Variants in APLP2 observed in about 807,000 individuals in gnomAD.
APLP2 encodes the protein CDEI box-binding protein.
Under a neutral mutation model 89.9 loss-of-function variants are expected in APLP2, and 53 were observed. The ratio of observed to expected loss-of-function variants is 0.59; its 90% CI spans 0.47 to 0.74. APLP2 has a LOEUF of 0.74. Among genes scored for constraint, APLP2 ranks in the 30% least tolerant of loss-of-function variants. The pLI, the probability that APLP2 is intolerant of heterozygous loss-of-function variation, is 0.00. For synonymous variants in APLP2, 372 were observed against 348.6 expected, an observed-to-expected ratio of 1.07 and a Z score of -0.75; for missense variants, 973 against 975.9, an observed-to-expected ratio of 1.00 and a Z score of 0.04.
At chr11:130,101,995 A>G (rs577847847) in intron 1 of APLP2, 60 of 456,172 alleles carry the variant, frequency 1.3e-4, no homozygotes, top group African/African-American at 1.2e-3. Flanking sequence ...TGTGGATGAG[A>G]TTAATGTAGG....
chr11:130,091,519 C>T (rs865869459), intron 1 of APLP2, among the ~76,000 whole-genome samples: 171 of 140,470 alleles, frequency 1.2e-3, no homozygotes, highest in Non-Finnish European at 2.0e-3. Context: ...CCCTCCCGGA[C>T]AGGGCGGCTG....
intron 13 of APLP2, among the ~76,000 whole-genome samples, chr11:130,137,519 T>C (rs1408369194): frequency 6.6e-6 from 1 of 152,222 alleles, no homozygotes; most frequent in Non-Finnish European, 1.5e-5. Flanking sequence ...CTCGTGGTCA[T>C]GCTAAGCTTT....
At position 130,121,737 on chromosome 11, in the gene APLP2, AAAG is replaced by A; in HGVS notation, c.645_647del (p.Glu219del). Reference sequence around the variant, plus strand: ...GACAAAGATTATTGGATCTGTGTCAAAAGAAGAGGAAGAGGAAGATGAAGAGGA... The same window carrying A: ...GACAAAGATTATTGGATCTGTGTCAAAAGAGGAAGAGGAAGATGAAGAGGA... On this transcript the variant is annotated inframe_deletion, in exon 5 of 17. Coordinates refer to ENST00000338167, the MANE Select transcript of APLP2 (RefSeq NM_001142276.2). 6.2e-7 allele frequency: 1 copy of A among 1,613,380 alleles called. No individual in the cohort carries two copies. Among genetic ancestry groups the A allele is most frequent in the Non-Finnish European group, 8.5e-7 (1 of 1,179,918 alleles).
At chr11:130,127,087 T>G (rs1177128094) in intron 8 of APLP2, among the ~76,000 whole-genome samples, 1 of 151,164 alleles carries the variant, frequency 6.6e-6, no homozygotes, top group Non-Finnish European at 1.5e-5. Flanking sequence ...TTTTTGCCAT[T>G]AACTTGCTTT....
chr11:130,102,419 C>T (rs1947066685), intron 1 of APLP2, among the ~76,000 whole-genome samples: 2 of 152,200 alleles, frequency 1.3e-5, no homozygotes, highest in African/African-American at 4.8e-5. Context: ...AACTTGAATA[C>T]TCGTGTGTCT....
At chr11:130,117,679 T>A (rs987685095) in intron 3 of APLP2, among the ~76,000 whole-genome samples, 1 of 152,206 alleles carries the variant, frequency 6.6e-6, no homozygotes, top group African/African-American at 2.4e-5. Flanking sequence ...TGTTTTAAAA[T>A]TTACATTAAT....
intron 16 of APLP2, among the ~76,000 whole-genome samples, chr11:130,142,562 C>G (rs1952548570): frequency 6.6e-6 from 1 of 152,078 alleles, no homozygotes; most frequent in African/African-American, 2.4e-5. Context: ...TTAATGAGCC[C>G]TGGGAAATTA....
In APLP2 at chr11:130,133,013, T is replaced by C. The variant is rs1373488569; in HGVS notation, c.1585-616T>C. ...TTTTTTGGCTCAATATAATTAGTAG[T>C]AAGTGCCTTGTATGAAAATCCAGTA... On this transcript the variant is annotated intron_variant, in intron 11 of 16. Coordinates refer to ENST00000338167, the MANE Select transcript of APLP2 (RefSeq NM_001142276.2). 2.0e-5 allele frequency among the ~76,000 whole-genome samples: 3 copies of C among 151,824 alleles called. No individual in the cohort carries two copies. In the East Asian group the frequency reaches 5.8e-4, roughly 29 times the overall value.
chr11:130,136,494 G>A (rs1466930919), intron 13 of APLP2, among the ~76,000 whole-genome samples: 1 of 152,166 alleles, frequency 6.6e-6, no homozygotes, highest in Admixed American at 6.5e-5. Context: ...CCGAGGTCAT[G>A]TAGCTTATAA....
At chr11:130,109,263 A>G in intron 1 of APLP2, 166 bp from the exon 2 acceptor site, 1 of 525,894 alleles carries the variant, frequency 1.9e-6, no homozygotes. Context: ...TCCAGAAGTC[A>G]CTTTTTATTC....
At chr11:130,105,338 C>T (rs1947524119) in intron 1 of APLP2, among the ~76,000 whole-genome samples, 2 of 152,112 alleles carry the variant, frequency 1.3e-5, no homozygotes, top group African/African-American at 4.8e-5. Context: ...ATGGCTTGAG[C>T]CCAGGGGGTC....
chr11:130,123,456 G>C lies in APLP2; in HGVS notation c.923-156G>C, dbSNP rs900520407. ...GGGGAAGCAACTTGTCCTCAGCAAGGCTGGCCTGAGCTGGAGCTTTCGGCC... is the reference window on the plus strand; with the variant it reads ...GGGGAAGCAACTTGTCCTCAGCAAGCCTGGCCTGAGCTGGAGCTTTCGGCC... On this transcript the variant is annotated intron_variant, in intron 6 of 16. Coordinates refer to ENST00000338167, the MANE Select transcript of APLP2 (RefSeq NM_001142276.2). The surrounding 1 kb of genome is among the most constrained non-coding windows in gnomAD (Gnocchi z 4.0). Among the ~76,000 whole-genome samples, 3 of 152,254 alleles carry C rather than the reference G, an allele frequency of 2.0e-5. No homozygotes were observed. Among genetic ancestry groups the C allele is most frequent in the South Asian group, 2.1e-4 (1 of 4,832 alleles).
At chr11:130,110,750 C>T in intron 3 of APLP2, 89 bp downstream of exon 3, 1 of 1,431,078 alleles carries the variant, frequency 7.0e-7, no homozygotes, top group South Asian at 1.4e-5. Flanking sequence ...AATATTTACA[C>T]CTGTTAAGAA....
chr11:130,105,349 G>A (rs1044828566), intron 1 of APLP2, among the ~76,000 whole-genome samples: 2 of 152,106 alleles, frequency 1.3e-5, no homozygotes, highest in Admixed American at 6.5e-5. Flanking sequence ...CCAGGGGGTC[G>A]AGACTGTAAT....
intron 1 of APLP2, among the ~76,000 whole-genome samples, chr11:130,088,373 CCT>C (rs965069357): frequency 7.9e-4 from 120 of 152,282 alleles, no homozygotes; most frequent in African/African-American, 2.4e-3. Flanking sequence ...GAGTAACAGA[CCT>C]CTGAAGAGTC....
chr11:130,123,712 T>C lies in APLP2; in HGVS notation c.1023T>C (p.Gly341=), dbSNP rs1950079367. 1 of 1,614,274 alleles carries C rather than the reference T, an allele frequency of 6.2e-7. No homozygotes were observed. The highest frequency in any genetic ancestry group is 1.3e-5 in the African/African-American group (1 of 75,070). Residue 341 remains glycine, a synonymous_variant, in exon 7 of 17, where the codon GGT becomes GGC. Coordinates refer to ENST00000338167, the MANE Select transcript of APLP2 (RefSeq NM_001142276.2). This position sits in a 1 kb window ranked among gnomAD's most constrained non-coding sequence, Gnocchi z 4.0. ...GAAAGTGCGTGCGCTTTATATATGG[T>C]GGCTGCGGCGGCAACAGGAACAATT... ...SKGKCVRFIY[G]GCGGNRNNFE...
At chr11:130,106,478 A>G (rs886483284) in intron 1 of APLP2, among the ~76,000 whole-genome samples, 5 of 152,188 alleles carry the variant, frequency 3.3e-5, no homozygotes, top group Non-Finnish European at 7.3e-5. Flanking sequence ...TGTTATGAAA[A>G]TAGTAACTTT....
At chr11:130,087,832 A>G (rs997002159) in intron 1 of APLP2, among the ~76,000 whole-genome samples, 3 of 152,294 alleles carry the variant, frequency 2.0e-5, no homozygotes, top group South Asian at 2.1e-4. Context: ...CAGGATCTAC[A>G]TTAAAAAAAA....
At position 130,098,511 on chromosome 11, in the gene APLP2, A is replaced by G. The variant is rs1473597972; in HGVS notation, c.106-10918A>G. ...GTGAAGTCAATTTCAGATCTCTGAC[A>G]TTGGTTATTCATGTTTGTGGTTTTA... is the stretch of plus-strand genomic sequence containing the variant. On this transcript the variant is annotated intron_variant, in intron 1 of 16. Coordinates refer to ENST00000338167, the MANE Select transcript of APLP2 (RefSeq NM_001142276.2). 3.3e-5 allele frequency among the ~76,000 whole-genome samples: 5 copies of G among 152,186 alleles called. No homozygotes were observed. In the East Asian group the frequency reaches 5.8e-4, roughly 18 times the overall value.
Sources: gnomAD v4.1 joint callset for allele counts (sites outside exome capture counted in the v4.1 genomes callset) on GRCh38, gnomAD v4.1.1 for gene constraint, Gnocchi (gnomAD v3.1) non-coding constraint, MANE v1.5 for transcripts, NCBI Gene and HGNC (gene_info 2026-07-23, HGNC 2026-07-21) for gene names.